The following PALLD variants were observed in gnomAD, a reference collection of about 807,000 sequenced individuals.
PALLD encodes the protein palladin.
Under a neutral mutation model 123.5 loss-of-function variants are expected in PALLD, and 61 were observed. The observed-to-expected ratio is 0.49, with a 90% CI of 0.40 to 0.61. The LOEUF (loss-of-function observed/expected upper bound fraction) is 0.61. PALLD is among the 20% of genes least tolerant of loss of function. PALLD has a pLI of 0.00. For synonymous variants in PALLD, 465 were observed against 496.4 expected (o/e 0.94, Z 0.84); for missense variants, 1,273 against 1,377.0 (o/e 0.92, Z 1.20).
At chr4:168,597,919 C>T (rs1226020978) in intron 2 of PALLD, among the ~76,000 whole-genome samples, 2 of 152,022 alleles carry the variant, frequency 1.3e-5, no homozygotes, top group Admixed American at 6.6e-5. Context: ...ACATTATTGT[C>T]CATGCCAATA....
intron 4 of PALLD, among the ~76,000 whole-genome samples, chr4:168,681,664 C>T (rs753179296): frequency 1.3e-5 from 2 of 150,316 alleles, no homozygotes; most frequent in Non-Finnish European, 2.9e-5. Flanking sequence ...CCTACTTTAG[C>T]CTCCCAAGTA....
chr4:168,898,742 G>A (rs772527323), intron 14 of PALLD, 28 bp downstream of exon 14: 2 of 1,460,228 alleles, frequency 1.4e-6, no homozygotes, highest in African/African-American at 2.8e-5. Context: ...GGCTTTTTAA[G>A]AGTCATTCTC....
At chr4:168,857,045 A>G (rs1748706323) in intron 10 of PALLD, among the ~76,000 whole-genome samples, 1 of 152,236 alleles carries the variant, frequency 6.6e-6, no homozygotes, top group Non-Finnish European at 1.5e-5. Flanking sequence ...AAATGAAGAG[A>G]TTTAGAAGTA....
At chr4:168,518,501 G>A (rs1763220447) in intron 2 of PALLD, among the ~76,000 whole-genome samples, 1 of 152,106 alleles carries the variant, frequency 6.6e-6, no homozygotes, top group South Asian at 2.1e-4. Flanking sequence ...AGTCACAGTG[G>A]GGTTCTTGGC....
chr4:168,633,383 C>G (rs1776027326), intron 2 of PALLD, among the ~76,000 whole-genome samples: 1 of 152,090 alleles, frequency 6.6e-6, no homozygotes, highest in Non-Finnish European at 1.5e-5. Flanking sequence ...GAAAGTTATC[C>G]TTGGGTGTCT....
intron 10 of PALLD, among the ~76,000 whole-genome samples, chr4:168,774,584 C>T (rs916396058): frequency 1.3e-5 from 2 of 151,820 alleles, no homozygotes; most frequent in East Asian, 1.9e-4. Context: ...AAAAATTAGC[C>T]GAGTGTGGCG....
At chr4:168,719,289 G>A (rs1415587507) in intron 10 of PALLD, among the ~76,000 whole-genome samples, 4 of 102,132 alleles carry the variant, frequency 3.9e-5, no homozygotes, top group Admixed American at 1.4e-4. Context: ...AAAAATTCTC[G>A]CTCTGTCACC....
intron 10 of PALLD, among the ~76,000 whole-genome samples, chr4:168,877,203 T>TA (rs1333837187): frequency 6.6e-6 from 1 of 152,188 alleles, no homozygotes; most frequent in Non-Finnish European, 1.5e-5. Context: ...GTAAATTTTT[T>TA]AAAAAATCCA....
intron 2 of PALLD, among the ~76,000 whole-genome samples, chr4:168,556,337 C>G (rs1263704993): frequency 1.3e-5 from 2 of 152,044 alleles, no homozygotes; most frequent in Non-Finnish European, 2.9e-5. Context: ...CCTCGTGATC[C>G]GCCCGCCTCT....
chr4:168,702,822 C>T (rs918831092), intron 8 of PALLD, among the ~76,000 whole-genome samples: 1 of 151,988 alleles, frequency 6.6e-6, no homozygotes, highest in African/African-American at 2.4e-5. Flanking sequence ...TGTAACTTTC[C>T]AGAGACATCT....
intron 2 of PALLD, among the ~76,000 whole-genome samples, chr4:168,554,090 C>T (rs6827367): frequency 0.52 from 79,207 of 152,030 alleles, 20,959 homozygotes; most frequent in East Asian, 0.83. Context: ...TATCACTAAG[C>T]CCTGGTTCAA....
At chr4:168,631,614 C>CGCATT (rs1002597919) in intron 2 of PALLD, 2 of 985,444 alleles carry the variant, frequency 2.0e-6, no homozygotes, top group African/African-American at 3.5e-5. Context: ...CGAGACGCGG[C>CGCATT]GCATTCGCGC....
chr4:168,509,800 G>A (rs756607266), intron 1 of PALLD, among the ~76,000 whole-genome samples: 27 of 152,138 alleles, frequency 1.8e-4, no homozygotes, highest in Non-Finnish European at 2.9e-4. Flanking sequence ...AAGAAGATGG[G>A]GTATGTTAAC....
intron 11 of PALLD, 49 bp downstream of exon 11, chr4:168,891,106 C>T (rs1754092139): frequency 6.4e-7 from 1 of 1,559,268 alleles, no homozygotes; most frequent in East Asian, 2.2e-5. Context: ...TACCCACATA[C>T]CTTTCTTCCT....
intron 2 of PALLD, among the ~76,000 whole-genome samples, chr4:168,581,790 C>T (rs184722407): frequency 2.0e-5 from 3 of 150,562 alleles, no homozygotes; most frequent in African/African-American, 7.2e-5. Context: ...ACTATTTTTA[C>T]TTTTGTTGCC....
At chr4:168,823,041 A>G (rs988151781) in intron 10 of PALLD, among the ~76,000 whole-genome samples, 2 of 151,840 alleles carry the variant, frequency 1.3e-5, no homozygotes, top group Non-Finnish European at 2.9e-5. Context: ...TTTCTCCATT[A>G]AAAAAAATAG....
At chr4:168,553,882 T>C (rs1766999575) in intron 2 of PALLD, among the ~76,000 whole-genome samples, 1 of 152,132 alleles carries the variant, frequency 6.6e-6, no homozygotes, top group African/African-American at 2.4e-5. Context: ...CTGGGTAGGG[T>C]AGGGGCATCA....
Position 168,878,145 on chromosome 4 carries a change from C to T in PALLD, c.1965-12777C>T, listed in dbSNP as rs864622140. The T allele has an allele frequency of 5.2e-5, 77 of 1,488,824 alleles. No homozygotes were observed. The highest frequency in any genetic ancestry group is 6.7e-5 in the Non-Finnish European group (75 of 1,126,522). The allele number at this position is 1,488,824 out of a possible 1,614,324, so 92.2% of individuals were successfully genotyped here. On this transcript the variant is annotated intron_variant, in intron 10 of 21. Coordinates refer to ENST00000505667, the MANE Select transcript of PALLD (RefSeq NM_001166108.2). ...CCCGAGGCCCCGTGGGGCTCCTCCT[C>T]GCCGTCGCCCCCGCCCCCGCCACCC...
At chr4:168,564,181 A>G (rs961654958) in intron 2 of PALLD, among the ~76,000 whole-genome samples, 2 of 152,188 alleles carry the variant, frequency 1.3e-5, no homozygotes, top group Admixed American at 1.3e-4. Context: ...TTCACTCAAC[A>G]GTTACTGAGA....
Sources: allele counts gnomAD v4.1 joint callset (sites outside exome capture counted in the v4.1 genomes callset), GRCh38; gene constraint gnomAD v4.1.1; transcripts MANE v1.5; gene names NCBI Gene and HGNC (gene_info 2026-07-23, HGNC 2026-07-21).